Variants in SLCO4A1 observed in about 807,000 individuals in gnomAD.
SLCO4A1 encodes colon organic anion transporter.
A neutral mutation model predicts 64.6 loss-of-function variants in SLCO4A1; 51 were observed. The observed-to-expected ratio is 0.79, with a 90% CI of 0.63 to 1.00. SLCO4A1 has a LOEUF of 1.00. Among genes scored for constraint, SLCO4A1 ranks in the 50% least tolerant of loss-of-function variants. SLCO4A1 has a pLI of 0.00. For synonymous variants in SLCO4A1, 471 were observed against 444.9 expected (o/e 1.06, Z -0.74); for missense variants, 919 against 980.5 (o/e 0.94, Z 0.84).
At chr20:62,669,209 A>G in intron 11 of SLCO4A1, 131 bp downstream of exon 11, 1 of 907,602 alleles carries the variant, frequency 1.1e-6, no homozygotes. Flanking sequence ...CAGTTTGTAG[A>G]AGGCCCTTCC....
intron 2 of SLCO4A1, among the ~76,000 whole-genome samples, chr20:62,683,698 C>T (rs546844610): frequency 3.9e-5 from 6 of 152,306 alleles, no homozygotes; most frequent in Admixed American, 1.3e-4. Context: ...CTTGGAGCAA[C>T]GGGCGACACC....
chr20:62,687,856 G>A (rs1988116056), downstream of SLCO4A1, among the ~76,000 whole-genome samples: 1 of 152,154 alleles, frequency 6.6e-6, no homozygotes, highest in Admixed American at 6.5e-5. Flanking sequence ...CGAGCCTCAG[G>A]GGTATCCCTG....
chr20:62,668,201 T>G lies in SLCO4A1; in HGVS notation c.1811+17T>G. 6.2e-7 allele frequency: 1 copy of G among 1,613,452 alleles called. No homozygotes were observed. The highest frequency in any genetic ancestry group is 8.5e-7 in the Non-Finnish European group (1 of 1,179,686). On this transcript the variant is annotated intron_variant, in intron 9 of 11. Transcript: ENST00000217159. ...AACTCTACGGTAAGCTGGGGTCGGG[T>G]GTGCGCTTGTCCAGAGCTTTCCTTG...
chr20:62,674,592 G>T (rs1475345751), downstream of SLCO4A1, among the ~76,000 whole-genome samples: 1 of 152,188 alleles, frequency 6.6e-6, no homozygotes, highest in Non-Finnish European at 1.5e-5. Context: ...ACGATTCCAA[G>T]GGTCTGAGCG....
rs1382068091 is a variant in SLCO4A1, at chr20:62,656,476, G to A, written c.22G>A (p.Asp8Asn). The change falls in exon 2 of 12, where the codon GAC becomes AAC. Residue 8 changes from aspartate to asparagine, a missense_variant. Transcript: ENST00000217159. ...GGAGATGCCCCTGCATCAGCTGGGG[G>A]ACAAGCCGCTCACCTTCCCCAGCCC... is the stretch of plus-strand genomic sequence containing the variant. MPLHQLG[D>N]KPLTFPSPNS... 18 of 1,504,382 alleles carry A rather than the reference G, an allele frequency of 1.2e-5. No homozygotes were observed. In the East Asian group the frequency reaches 3.9e-4, roughly 32 times the overall value. The allele number at this position is 1,504,382 out of a possible 1,614,324, so 93.2% of individuals were successfully genotyped here. A position where few individuals can be genotyped will look rare whatever the true frequency, so the allele number is the denominator to read the frequency against.
intron 1 of SLCO4A1, among the ~76,000 whole-genome samples, chr20:62,647,354 C>T (rs1053538702): frequency 1.3e-5 from 2 of 152,136 alleles, no homozygotes; most frequent in Non-Finnish European, 2.9e-5. Context: ...CTGGCAGCCT[C>T]AGAGCCGTCA....
Position 62,682,173 on chromosome 20 carries a change from G to A in SLCO4A1, n.212-3268G>A, listed in dbSNP as rs953329978. On this transcript the variant is annotated intron_variant and non_coding_transcript_variant, in intron 2 of 2. Coordinates refer to the SLCO4A1 transcript ENST00000466818. ...CACTACTGGTGTTAGCTTGTCAGGG[G>A]CAGATAACTCTTCAGTTCACAGCTC... Among the ~76,000 whole-genome samples the A allele has an allele frequency of 2.6e-5, 4 of 152,346 alleles. No individual in the cohort carries two copies. The South Asian group carries it at 8.3e-4, about 32-fold the overall frequency.
chr20:62,643,875 G>A (rs1047416285), intron 1 of SLCO4A1, among the ~76,000 whole-genome samples: 1 of 152,268 alleles, frequency 6.6e-6, no homozygotes, highest in South Asian at 2.1e-4. Context: ...GCAACCCCAC[G>A]AGGTGGCCAT....
chr20:62,652,025 G>A (rs1005645467), intron 1 of SLCO4A1: 1 of 24,528 alleles, frequency 4.1e-5, no homozygotes, highest in African/African-American at 1.6e-4. Flanking sequence ...CCCTGCCCCC[G>A]CCTCCCCCAC....
chr20:62,667,698 C>A (rs1211518779), intron 7 of SLCO4A1, 47 bp from the exon 8 acceptor site: 3 of 1,560,100 alleles, frequency 1.9e-6, no homozygotes, highest in Non-Finnish European at 2.6e-6. Flanking sequence ...TGGGCGCCAG[C>A]ATGGCTCTGG....
downstream of SLCO4A1, among the ~76,000 whole-genome samples, chr20:62,688,602 C>T (rs1988138212): frequency 6.6e-6 from 1 of 152,196 alleles, no homozygotes; most frequent in African/African-American, 2.4e-5. Flanking sequence ...ATGGAATGGA[C>T]GCAGGGCCCA....
intron 2 of SLCO4A1, among the ~76,000 whole-genome samples, chr20:62,678,588 G>A (rs541598356): frequency 7.8e-4 from 116 of 149,492 alleles, no homozygotes; most frequent in African/African-American, 2.7e-3. Flanking sequence ...CTAGAGTGCA[G>A]TGGTGCAATC....
At position 62,656,753 on chromosome 20, in the gene SLCO4A1, A is replaced by C; in HGVS notation, c.299A>C (p.Asn100Thr). 3 of 1,612,508 alleles carry C rather than the reference A, an allele frequency of 1.9e-6. No individual in the cohort carries two copies. The highest frequency in any genetic ancestry group is 2.5e-6 in the Non-Finnish European group (3 of 1,179,752). ...GCACCGCCGTGCCTGCAGGTCCTCAACACGCCCAAGGGCATCCTGTTCTTC... is the reference window on the plus strand; with the variant it reads ...GCACCGCCGTGCCTGCAGGTCCTCACCACGCCCAAGGGCATCCTGTTCTTC... ...AFAPPCLQVL[N>T]TPKGILFFLC... The change falls in exon 2 of 12, where the codon AAC becomes ACC. Residue 100 changes from asparagine (N) to threonine (T), a missense_variant. By Grantham distance (65) the Asn-to-Thr change is moderately conservative (BLOSUM62 0). Coordinates refer to ENST00000217159, the MANE Select transcript of SLCO4A1 (RefSeq NM_016354.4).
downstream of SLCO4A1, among the ~76,000 whole-genome samples, chr20:62,675,501 G>C (rs1014592859): frequency 6.6e-6 from 1 of 152,218 alleles, no homozygotes; most frequent in African/African-American, 2.4e-5. Flanking sequence ...CTCTGACTCA[G>C]GCCCAGGGAG....
chr20:62,679,900 C>T (rs1020326219), intron 2 of SLCO4A1, among the ~76,000 whole-genome samples: 5 of 152,110 alleles, frequency 3.3e-5, no homozygotes, highest in East Asian at 3.9e-4. Context: ...TAGACTCTCT[C>T]GAATAAAGGA....
intron 2 of SLCO4A1, among the ~76,000 whole-genome samples, chr20:62,658,386 C>A (rs1236429189): frequency 6.6e-6 from 1 of 152,280 alleles, no homozygotes; most frequent in Non-Finnish European, 1.5e-5. Context: ...CAGTGTCCAT[C>A]TGTGCGGCTA....
At position 62,668,551 on chromosome 20, in the gene SLCO4A1, A is replaced by T. The variant is rs745501758; in HGVS notation, c.1876+10A>T. The stretch of plus-strand genomic sequence containing the variant: ...GTAGTTAGAATACTAGGTACTGTGC[A>T]GTGTGAGGAAGCCATGGTCAGTTGC... On this transcript the variant is annotated intron_variant, in intron 10 of 11. Transcript: ENST00000217159. 5.0e-6 allele frequency: 8 copies of T among 1,610,190 alleles called. No homozygotes were observed. The Admixed American group carries it at 1.3e-4, about 27-fold the overall frequency.
intron 1 of SLCO4A1, among the ~76,000 whole-genome samples, chr20:62,646,060 G>A (rs534912343): frequency 6.6e-6 from 1 of 152,150 alleles, no homozygotes; most frequent in African/African-American, 2.4e-5. Context: ...AGCTGTGCCA[G>A]GCAGGTTCCT....
chr20:62,668,522 G>T lies in SLCO4A1; in HGVS notation c.1857G>T (p.Trp619Cys). ...GATCCTTTGCCCTGGGAATCCAGTG[G>T]ATTGTAGTTAGAATACTAGGTACTG... is the stretch of plus-strand genomic sequence containing the variant. ...PQRSFALGIQ[W>C]IVVRILGGIP... is the part of the protein sequence containing the mutation. The change falls in exon 10 of 12, where the codon TGG becomes TGT. Residue 619 changes from tryptophan (W) to cysteine (C), a missense_variant. Trp to Cys is a radical substitution (Grantham distance 215). Coordinates refer to ENST00000217159, the MANE Select transcript of SLCO4A1 (RefSeq NM_016354.4). 1 of 1,613,784 alleles carries T rather than the reference G, an allele frequency of 6.2e-7. No homozygotes were observed.
Sources: gnomAD v4.1 joint callset for allele counts (sites outside exome capture counted in the v4.1 genomes callset) on GRCh38, gnomAD v4.1.1 for gene constraint, MANE v1.5 for transcripts, NCBI Gene and HGNC (gene_info 2026-07-23, HGNC 2026-07-21) for gene names.